The following VPS53 variants were observed in gnomAD, a reference collection of about 807,000 sequenced individuals.
VPS53 encodes VPS53 subunit of GARP complex, also known as vacuolar protein sorting-associated protein 53 homolog.
VPS53 carries 70 observed loss-of-function variants against 107.0 expected under a neutral mutation model. That is an observed-to-expected ratio of 0.65 (90% CI 0.54 to 0.80). The LOEUF (loss-of-function observed/expected upper bound fraction) is 0.80, where lower values mean the gene tolerates loss of function less well. Ranked by LOEUF, VPS53 falls within the 30% of genes least tolerant of loss-of-function variation. VPS53 has a pLI of 0.00. For synonymous variants in VPS53, 409 were observed against 393.3 expected (o/e 1.04, Z -0.47); for missense variants, 917 against 1,049.4 (o/e 0.87, Z 1.74).
intron 17 of VPS53, among the ~76,000 whole-genome samples, chr17:551,230 TAGGAACATGAG>T (rs1360650180): frequency 2.6e-5 from 4 of 151,498 alleles, no homozygotes; most frequent in African/African-American, 9.7e-5. Context: ...AAGCCAAAAA[TAGGAACATGAG>T]AGGAACATGA....
At chr17:627,554 G>A (rs1177190603) in intron 9 of VPS53, among the ~76,000 whole-genome samples, 1 of 152,196 alleles carries the variant, frequency 6.6e-6, no homozygotes, top group Admixed American at 6.5e-5. Flanking sequence ...GAGGTCAGCA[G>A]ATCACCTGAG....
intron 4 of VPS53, 78 bp downstream of exon 4, chr17:697,340 G>C (rs1044044955): frequency 5.1e-6 from 6 of 1,182,940 alleles, no homozygotes; most frequent in Non-Finnish European, 7.6e-6. Context: ...CTGCAAGAGG[G>C]CACATCGACG....
At chr17:648,367 T>C (rs761486128) in intron 7 of VPS53, among the ~76,000 whole-genome samples, 34 of 152,208 alleles carry the variant, frequency 2.2e-4, no homozygotes, top group South Asian at 1.5e-3. Flanking sequence ...CTGGCCAACA[T>C]GGTGAAACCC....
At chr17:692,032 C>T (rs1311226095) in intron 4 of VPS53, among the ~76,000 whole-genome samples, 1 of 152,166 alleles carries the variant, frequency 6.6e-6, no homozygotes, top group Non-Finnish European at 1.5e-5. Flanking sequence ...CCAAACCTTA[C>T]TCTTGTTCTG....
At chr17:526,391 A>T (rs1228984477) in intron 19 of VPS53, among the ~76,000 whole-genome samples, 2 of 152,228 alleles carry the variant, frequency 1.3e-5, no homozygotes, top group African/African-American at 4.8e-5. Flanking sequence ...ACAGGGAGAT[A>T]TGACACTTTC....
intron 7 of VPS53, among the ~76,000 whole-genome samples, chr17:650,141 G>A (rs1027829025): frequency 3.9e-5 from 6 of 152,238 alleles, no homozygotes; most frequent in African/African-American, 1.4e-4. Context: ...ACTACTCAAA[G>A]AAAGGAATAA....
At chr17:598,996 TG>T (rs766745845) in intron 12 of VPS53, among the ~76,000 whole-genome samples, 5,658 of 18,862 alleles carry the variant, frequency 0.3, 1,434 homozygotes, top group African/African-American at 0.44. Flanking sequence ...GGGAGGGAGG[TG>T]GGGGGGGGGG....
intron 14 of VPS53, among the ~76,000 whole-genome samples, chr17:560,985 G>A (rs1387803676): frequency 6.6e-6 from 1 of 152,064 alleles, no homozygotes; most frequent in Non-Finnish European, 1.5e-5. Flanking sequence ...GGTGGAGGAG[G>A]ACATAAGCGC....
intron 11 of VPS53, among the ~76,000 whole-genome samples, chr17:602,124 C>T (rs1487411883): frequency 6.6e-6 from 1 of 152,242 alleles, no homozygotes; most frequent in Non-Finnish European, 1.5e-5. Context: ...GGCTAAAACG[C>T]TCACGCATCC....
At chr17:542,438 C>T (rs549772006) in intron 17 of VPS53, among the ~76,000 whole-genome samples, 3 of 152,138 alleles carry the variant, frequency 2.0e-5, no homozygotes, top group South Asian at 4.1e-4. Flanking sequence ...TCAGTATTCT[C>T]GTCTATAAAA....
At chr17:529,449 T>A (rs754020596) in intron 19 of VPS53, among the ~76,000 whole-genome samples, 1 of 152,162 alleles carries the variant, frequency 6.6e-6, no homozygotes. Context: ...ACTGTATCTA[T>A]AGATAAATTG....
intron 12 of VPS53, among the ~76,000 whole-genome samples, chr17:592,110 C>G (rs1326904756): frequency 2.0e-5 from 3 of 152,040 alleles, no homozygotes; most frequent in Non-Finnish European, 4.4e-5. Context: ...GGATAGTTAG[C>G]TCTTGTTGAA....
intron 11 of VPS53, among the ~76,000 whole-genome samples, chr17:608,921 A>AT (rs531388006): frequency 0.043 from 6,368 of 147,270 alleles, 201 homozygotes; most frequent in South Asian, 0.1. Flanking sequence ...CCCACTGCTC[A>AT]TTTTTTTTTT....
rs921554639 is a variant in VPS53, at chr17:628,077, T to A, written c.831+11A>T. 33 of 1,607,450 alleles carry A rather than the reference T, an allele frequency of 2.1e-5. No individual in the cohort carries two copies. The highest frequency in any genetic ancestry group is 2.4e-5 in the Non-Finnish European group (28 of 1,177,834). On this transcript the variant is annotated intron_variant, in intron 9 of 21. Coordinates refer to ENST00000437048, the MANE Select transcript of VPS53 (RefSeq NM_001128159.3). ...AAATGTTACATCTGATCTTATTTGG[T>A]CAATACTCACATCTTGGTTTTCTTG...
rs375552285 is a variant in VPS53, at chr17:521,756, G to A, written c.2086-18C>T. 6.6e-7 allele frequency: 1 copy of A among 1,513,120 alleles called. No individual in the cohort carries two copies. Among genetic ancestry groups the A allele is most frequent in the African/African-American group, 1.4e-5 (1 of 72,278 alleles). The allele number at this position is 1,513,120 out of a possible 1,614,324, so 93.7% of individuals were successfully genotyped here. ...AGCAGCAGCTGTGGAGCAAAGCAGA[G>A]AGCATTACCGGCCCCTTCCAGCGAC... On this transcript the variant is annotated intron_variant, in intron 19 of 21. Coordinates refer to ENST00000437048, the MANE Select transcript of VPS53 (RefSeq NM_001128159.3).
intron 4 of VPS53, among the ~76,000 whole-genome samples, chr17:677,307 A>G (rs1288228572): frequency 6.6e-6 from 1 of 152,236 alleles, no homozygotes; most frequent in African/African-American, 2.4e-5. Flanking sequence ...TACAACGTGG[A>G]TGAATCCTGA....
At chr17:609,670 A>G (rs1366041904) in intron 11 of VPS53, among the ~76,000 whole-genome samples, 1 of 152,244 alleles carries the variant, frequency 6.6e-6, no homozygotes, top group East Asian at 1.9e-4. Flanking sequence ...GAAGAGGAAC[A>G]GAAAGATGTT....
At chr17:646,549 C>T (rs1482425768) in intron 7 of VPS53, among the ~76,000 whole-genome samples, 1 of 46,334 alleles carries the variant, frequency 2.2e-5, no homozygotes, top group Admixed American at 1.9e-4. Flanking sequence ...CACACATCTC[C>T]GTGACCGCAT....
chr17:543,787 G>GA (rs1284607689), intron 17 of VPS53, among the ~76,000 whole-genome samples: 1 of 47,016 alleles, frequency 2.1e-5, no homozygotes, highest in Non-Finnish European at 3.5e-5. Flanking sequence ...AAGAAGAGAA[G>GA]GAAGGAAGGA....
Sources: gnomAD v4.1 joint callset for allele counts (sites outside exome capture counted in the v4.1 genomes callset) on GRCh38, gnomAD v4.1.1 for gene constraint, MANE v1.5 for transcripts, NCBI Gene and HGNC (gene_info 2026-07-23, HGNC 2026-07-21) for gene names.